The following ATG7 variants were observed in gnomAD, a reference collection of about 807,000 sequenced individuals.
The protein encoded by ATG7 is autophagy related 7.
ATG7 carries 70 observed loss-of-function variants against 82.4 expected under a neutral mutation model. The ratio of observed to expected loss-of-function variants is 0.85; its 90% CI spans 0.70 to 1.04. ATG7 has a LOEUF of 1.04. Ranked by LOEUF, ATG7 falls within the 50% of genes least tolerant of loss-of-function variation. The pLI is 0.00. For missense variants in ATG7, 792 were observed against 864.3 expected, an observed-to-expected ratio of 0.92 and a Z score of 1.05; for synonymous variants, 287 against 313.0, an observed-to-expected ratio of 0.92 and a Z score of 0.88.
intron 7 of ATG7, among the ~76,000 whole-genome samples, chr3:11,310,771 T>C (rs1400086937): frequency 6.6e-6 from 1 of 152,082 alleles, no homozygotes; most frequent in African/African-American, 2.4e-5. Flanking sequence ...TAGCCGGGAC[T>C]ACAGGCACCC....
chr3:11,468,629 C>G (rs894496242), intron 20 of ATG7, among the ~76,000 whole-genome samples: 2 of 152,244 alleles, frequency 1.3e-5, no homozygotes, highest in Middle Eastern at 3.4e-3. Flanking sequence ...GAAAACACAG[C>G]CCTAGAAAGA....
At chr3:11,573,132 C>T in the ATG7 span, among the ~76,000 whole-genome samples, 2 of 151,432 alleles carry the variant, frequency 1.3e-5, no homozygotes, top group African/African-American at 2.4e-5. Context: ...AGCCATTGCA[C>T]TCCAACCTGG....
chr3:11,571,067 G>C, the ATG7 span, among the ~76,000 whole-genome samples: 5 of 152,194 alleles, frequency 3.3e-5, no homozygotes, highest in Non-Finnish European at 7.3e-5. Context: ...CTGAGGCAGA[G>C]ACACCCTCCT....
At chr3:11,299,464 G>T in intron 5 of ATG7, 48 bp downstream of exon 5, 1 of 1,554,448 alleles carries the variant, frequency 6.4e-7, no homozygotes, top group Non-Finnish European at 8.9e-7. Context: ...ACTACTTTTG[G>T]CAAGGAATAA....
chr3:11,335,532 G>T (rs2152762039), intron 11 of ATG7, among the ~76,000 whole-genome samples: 1 of 152,298 alleles, frequency 6.6e-6, no homozygotes, highest in African/African-American at 2.4e-5. Flanking sequence ...ATGTGGGTCT[G>T]GTCTGTGTGT....
intron 20 of ATG7, among the ~76,000 whole-genome samples, chr3:11,481,422 T>C (rs2088958826): frequency 6.6e-6 from 1 of 152,208 alleles, no homozygotes; most frequent in Admixed American, 6.5e-5. Flanking sequence ...TTCACATATT[T>C]CCCCTAGCAA....
At chr3:11,445,187 C>G (rs577456880) in intron 20 of ATG7, among the ~76,000 whole-genome samples, 82 of 152,318 alleles carry the variant, frequency 5.4e-4, no homozygotes, top group African/African-American at 1.9e-3. Flanking sequence ...TTTGACCCAG[C>G]AATCCCATTA....
At chr3:11,305,937 C>G (rs1403791814) in intron 5 of ATG7, among the ~76,000 whole-genome samples, 1 of 152,258 alleles carries the variant, frequency 6.6e-6, no homozygotes, top group Non-Finnish European at 1.5e-5. Flanking sequence ...AAAAGGCATT[C>G]TGTCTGCATT....
At chr3:11,543,104 A>G (rs1303065225) in intron 20 of ATG7, among the ~76,000 whole-genome samples, 1 of 151,908 alleles carries the variant, frequency 6.6e-6, no homozygotes, top group South Asian at 2.1e-4. Flanking sequence ...CCCACGGTGC[A>G]GGAGCAGCCC....
chr3:11,572,247 G>T, the ATG7 span, among the ~76,000 whole-genome samples: 2 of 152,148 alleles, frequency 1.3e-5, no homozygotes, highest in East Asian at 1.9e-4. Context: ...TGCAAAATAA[G>T]CATCATCTCC....
chr3:11,450,292 A>G (rs539230196), intron 20 of ATG7, among the ~76,000 whole-genome samples: 1 of 152,212 alleles, frequency 6.6e-6, no homozygotes, highest in Non-Finnish European at 1.5e-5. Flanking sequence ...TCTTTCTTAC[A>G]TATTAGTTGG....
At chr3:11,499,134 G>A (rs1486649255) in intron 20 of ATG7, among the ~76,000 whole-genome samples, 1 of 152,148 alleles carries the variant, frequency 6.6e-6, no homozygotes, top group Non-Finnish European at 1.5e-5. Flanking sequence ...CACATAAATT[G>A]AAAGAAAATA....
At chr3:11,336,265 C>T (rs1294699749) in intron 11 of ATG7, among the ~76,000 whole-genome samples, 2 of 151,690 alleles carry the variant, frequency 1.3e-5, no homozygotes, top group Non-Finnish European at 2.9e-5. Context: ...AACTCCTGAG[C>T]TCGGGCAATC....
At chr3:11,546,839 G>A (rs947457181) in intron 20 of ATG7, among the ~76,000 whole-genome samples, 4 of 152,254 alleles carry the variant, frequency 2.6e-5, no homozygotes, top group Non-Finnish European at 5.9e-5. Flanking sequence ...GGGGAGCGCT[G>A]AGGTGCTCAG....
chr3:11,545,491 C>T (rs756607858), intron 20 of ATG7, among the ~76,000 whole-genome samples: 5 of 152,238 alleles, frequency 3.3e-5, no homozygotes, highest in East Asian at 1.9e-4. Context: ...GGCCTGCAGC[C>T]GCTCCTTCCT....
At chr3:11,430,027 T>C (rs562133001) in intron 20 of ATG7, among the ~76,000 whole-genome samples, 2 of 151,990 alleles carry the variant, frequency 1.3e-5, no homozygotes, top group East Asian at 3.9e-4. Flanking sequence ...GTTCCTTTCC[T>C]GGAGACAAAC....
the ATG7 span, among the ~76,000 whole-genome samples, chr3:11,573,293 AAGAAAGAAAGAAAGGAAGGAAGGAAG>A: frequency 8.2e-5 from 1 of 12,178 alleles, no homozygotes; most frequent in African/African-American, 6.5e-4. Context: ...GAAAGAAAGA[AAGAAAGAAAGAAAGGAAGGAAGGAAG>A]AAAGAAAGAA....
intron 19 of ATG7, among the ~76,000 whole-genome samples, chr3:11,381,231 T>G (rs1441601889): frequency 1.3e-5 from 2 of 152,238 alleles, no homozygotes; most frequent in Non-Finnish European, 2.9e-5. Context: ...ACCTCAAGGA[T>G]GTCTGCATGC....
In ATG7 at chr3:11,527,035, G is replaced by GTA. The variant is rs201101842; in HGVS notation, c.2080-27770_2080-27769dup. Among the ~76,000 whole-genome samples the GTA allele has an allele frequency of 6.2e-3, 806 of 130,364 alleles. 3 individuals are homozygous for GTA. The highest frequency in any genetic ancestry group is 8.3e-3 in the South Asian group (35 of 4,234). 85.5% of individuals were successfully genotyped at this position (130,364 alleles called of 152,430 possible). A position where few individuals can be genotyped will look rare whatever the true frequency, so the allele number is the denominator to read the frequency against. ...ATATATAGTATATATATGTGTGTGT[G>GTA]TATATATGTGTGTGTGTGTGTGTGT... On this transcript the variant is annotated intron_variant, in intron 20 of 20. Coordinates refer to ENST00000693202, the MANE Select transcript of ATG7 (RefSeq NM_001349232.2).
Sources: gnomAD v4.1 joint callset for allele counts (sites outside exome capture counted in the v4.1 genomes callset) on GRCh38, gnomAD v4.1.1 for gene constraint, MANE v1.5 for transcripts, NCBI Gene and HGNC (gene_info 2026-07-23, HGNC 2026-07-21) for gene names.